The following TMEM108 variants were observed in gnomAD, a reference collection of about 807,000 sequenced individuals.
TMEM108 encodes the protein cancer/testis antigen 124.
Under a neutral mutation model 35.1 loss-of-function variants are expected in TMEM108, and 12 were observed. The observed-to-expected ratio is 0.34, with a 90% CI of 0.22 to 0.55. The LOEUF is 0.55. TMEM108 is among the 20% of genes least tolerant of loss of function. The pLI, the probability that TMEM108 is intolerant of heterozygous loss-of-function variation, is 0.89. For synonymous variants in TMEM108, 287 were observed against 308.6 expected (o/e 0.93, Z 0.73); for missense variants, 680 against 753.3 (o/e 0.90, Z 1.14).
At chr3:133,232,611 A>C (rs910973694) in intron 3 of TMEM108, among the ~76,000 whole-genome samples, 1 of 152,246 alleles carries the variant, frequency 6.6e-6, no homozygotes, top group Non-Finnish European at 1.5e-5. Context: ...TCTTTAGATC[A>C]CTGAATCATA....
intron 3 of TMEM108, among the ~76,000 whole-genome samples, chr3:133,229,881 T>C (rs993580406): frequency 1.3e-5 from 2 of 152,238 alleles, no homozygotes; most frequent in Non-Finnish European, 2.9e-5. Context: ...CTTGGTTTTG[T>C]GGTGGAATAA....
chr3:133,072,832 C>G (rs1273081165), intron 2 of TMEM108, among the ~76,000 whole-genome samples: 1 of 152,076 alleles, frequency 6.6e-6, no homozygotes, highest in South Asian at 2.1e-4. Context: ...CCCCTAAGTC[C>G]CTGACAGGCA....
At chr3:133,126,464 C>T (rs1488294962) in intron 2 of TMEM108, among the ~76,000 whole-genome samples, 2 of 150,598 alleles carry the variant, frequency 1.3e-5, no homozygotes, top group African/African-American at 4.9e-5. Flanking sequence ...GAGACTTTGT[C>T]CCCGCCCCCC....
chr3:133,160,256 C>T lies in TMEM108; in HGVS notation c.-46-69010C>T, dbSNP rs546036526. Among the ~76,000 whole-genome samples the T allele has an allele frequency of 3.3e-5, 5 of 152,328 alleles. No individual in the cohort carries two copies. The East Asian group carries it at 5.8e-4, about 18-fold the overall frequency. ...GCGCTGCTGCGAGAAGAGGAACTGA[C>T]GCTGCTCAGTGGAATCACATGAGGA... On this transcript the variant is annotated intron_variant, in intron 2 of 5. Coordinates refer to ENST00000321871, the MANE Select transcript of TMEM108 (RefSeq NM_023943.4).
intron 3 of TMEM108, among the ~76,000 whole-genome samples, chr3:133,365,471 C>T (rs935950576): frequency 6.6e-5 from 10 of 152,100 alleles, no homozygotes; most frequent in Admixed American, 3.9e-4. Context: ...TTTATGCGTA[C>T]CTGGGTTTGT....
chr3:133,080,384 C>T (rs537220208), intron 2 of TMEM108, among the ~76,000 whole-genome samples: 16 of 152,294 alleles, frequency 1.1e-4, no homozygotes, highest in African/African-American at 3.6e-4. Flanking sequence ...AAGTATGATG[C>T]AGAAACTAAG....
intron 3 of TMEM108, among the ~76,000 whole-genome samples, chr3:133,317,585 A>T (rs892240593): frequency 6.9e-6 from 1 of 145,582 alleles, no homozygotes; most frequent in Non-Finnish European, 1.5e-5. Context: ...GCAGAATAGA[A>T]ATGTGATGAG....
intron 3 of TMEM108, among the ~76,000 whole-genome samples, chr3:133,377,905 C>T (rs2072888558): frequency 6.6e-6 from 1 of 152,188 alleles, no homozygotes; most frequent in Non-Finnish European, 1.5e-5. Flanking sequence ...TTGTGAACTG[C>T]ACATGCAAGG....
At chr3:133,341,209 T>C (rs557386784) in intron 3 of TMEM108, among the ~76,000 whole-genome samples, 23 of 151,870 alleles carry the variant, frequency 1.5e-4, no homozygotes, top group Admixed American at 3.9e-4. Flanking sequence ...ATTCAATAAG[T>C]TGCAGGATAC....
In TMEM108 at chr3:133,326,836, CTG is replaced by C. The variant is rs572290265; in HGVS notation, c.41-52913_41-52912del. Among the ~76,000 whole-genome samples the C allele has an allele frequency of 2.4e-3, 366 of 152,308 alleles. 2 individuals are homozygous for C. Among genetic ancestry groups the C allele is most frequent in the Middle Eastern group, 6.8e-3 (2 of 294 alleles). ...CTTTGACATGTTTTAGCCTCCTTAT[CTG>C]TGAAATAATATGTCCACTTAGAGGA... On this transcript the variant is annotated intron_variant, in intron 3 of 5. Coordinates refer to ENST00000321871, the MANE Select transcript of TMEM108 (RefSeq NM_023943.4).
At chr3:133,194,633 C>T (rs950245395) in intron 2 of TMEM108, among the ~76,000 whole-genome samples, 1 of 151,620 alleles carries the variant, frequency 6.6e-6, no homozygotes, top group African/African-American at 2.4e-5. Flanking sequence ...GTTCTACCAT[C>T]TCTACTGGCC....
intron 2 of TMEM108, among the ~76,000 whole-genome samples, chr3:133,141,336 G>A (rs1393130546): frequency 6.6e-6 from 1 of 152,090 alleles, no homozygotes; most frequent in African/African-American, 2.4e-5. Flanking sequence ...TGAACTATAG[G>A]GCTGTACTAG....
intron 3 of TMEM108, among the ~76,000 whole-genome samples, chr3:133,284,482 C>T (rs1946957736): frequency 6.6e-6 from 1 of 152,194 alleles, no homozygotes; most frequent in African/African-American, 2.4e-5. Context: ...CTCCTTGTTC[C>T]TTCAGTCTGT....
intron 2 of TMEM108, among the ~76,000 whole-genome samples, chr3:133,073,484 T>TTCTCTCTCTCTCTCTCTCTCTC (rs371623398): frequency 4.1e-4 from 23 of 55,618 alleles, no homozygotes; most frequent in East Asian, 1.4e-3. Flanking sequence ...TAGTATTCTA[T>TTCTCTCTCTCTCTCTCTCTCTC]TCTCTCTCTC....
At chr3:133,104,948 C>T (rs930721233) in intron 2 of TMEM108, among the ~76,000 whole-genome samples, 2 of 152,146 alleles carry the variant, frequency 1.3e-5, no homozygotes, top group Non-Finnish European at 2.9e-5. Flanking sequence ...AGGATTCATC[C>T]CCTATCCACC....
chr3:133,067,055 A>G (rs1943616864), intron 2 of TMEM108, among the ~76,000 whole-genome samples: 1 of 152,102 alleles, frequency 6.6e-6, no homozygotes, highest in Admixed American at 6.6e-5. Flanking sequence ...ACAACAAACA[A>G]TGCTATCAAT....
intron 2 of TMEM108, among the ~76,000 whole-genome samples, chr3:133,183,116 G>C (rs943329423): frequency 1.3e-5 from 2 of 152,230 alleles, no homozygotes; most frequent in Admixed American, 1.3e-4. Flanking sequence ...CATGATCTTT[G>C]AGTGTCACGT....
At chr3:133,173,404 A>T (rs1043400192) in intron 2 of TMEM108, among the ~76,000 whole-genome samples, 2 of 152,216 alleles carry the variant, frequency 1.3e-5, no homozygotes, top group Non-Finnish European at 2.9e-5. Context: ...GATTCAGATC[A>T]TTTCTTCAAC....
At chr3:133,251,130 G>T (rs1946463605) in intron 3 of TMEM108, among the ~76,000 whole-genome samples, 1 of 152,108 alleles carries the variant, frequency 6.6e-6, no homozygotes, top group Non-Finnish European at 1.5e-5. Context: ...AAAGGGACAT[G>T]GAATGAGATT....
Sources: allele counts gnomAD v4.1 joint callset (sites outside exome capture counted in the v4.1 genomes callset), GRCh38; gene constraint gnomAD v4.1.1; transcripts MANE v1.5; gene names NCBI Gene and HGNC (gene_info 2026-07-23, HGNC 2026-07-21).